The following USP49 variants were observed in gnomAD, a reference collection of about 807,000 sequenced individuals.
USP49 encodes the protein ubiquitin carboxyl-terminal hydrolase 49.
Under a neutral mutation model 58.6 loss-of-function variants are expected in USP49, and 24 were observed. The ratio of observed to expected loss-of-function variants is 0.41; its 90% CI spans 0.30 to 0.58. USP49 has a LOEUF of 0.58. Among genes scored for constraint, USP49 ranks in the 20% least tolerant of loss-of-function variants. The probability of loss-of-function intolerance (pLI) is 0.30; values close to 1 mark genes in which losing one functional copy is unlikely to be tolerated. For synonymous variants in USP49, 408 were observed against 365.1 expected (o/e 1.12, Z -1.34); for missense variants, 703 against 866.1 (o/e 0.81, Z 2.36).
chr6:41,878,888 C>T (rs1774554665), intron 2 of USP49, among the ~76,000 whole-genome samples: 1 of 152,112 alleles, frequency 6.6e-6, no homozygotes, highest in South Asian at 2.1e-4. Context: ...GGAAATGACC[C>T]AGGATCACAA....
rs573867657 is a variant in USP49, at chr6:41,795,509, C to T, written c.*1024G>A. ...GTGGACTCCTAAGCAGTTAACATAC[C>T]CTAGAGAACCAAAAGCTCCCAAACC... On this transcript the variant is annotated 3_prime_UTR_variant, in exon 8 of 8. Coordinates refer to ENST00000682992, the MANE Select transcript of USP49 (RefSeq NM_001286554.2). 2.0e-5 allele frequency: 3 copies of T among 152,086 alleles called. No individual in the cohort carries two copies. The highest frequency in any genetic ancestry group is 2.9e-5 in the Non-Finnish European group (2 of 68,030). The allele number at this position is 152,086 out of a possible 1,614,324, so 9.4% of individuals were successfully genotyped here. A position where few individuals can be genotyped will look rare whatever the true frequency, so the allele number is the denominator to read the frequency against.
At chr6:41,877,496 C>T (rs1237076603) in intron 2 of USP49, among the ~76,000 whole-genome samples, 2 of 151,936 alleles carry the variant, frequency 1.3e-5, no homozygotes, top group African/African-American at 4.8e-5. Flanking sequence ...GTTGACACAG[C>T]ATAGTACATG....
rs532731547 is a variant in USP49 at position 41,884,374 on chromosome 6, G to GT, written c.-103+7419dup. Among the ~76,000 whole-genome samples, 597 of 152,268 alleles carry GT rather than the reference G, an allele frequency of 3.9e-3. 4 individuals are homozygous for GT. Among genetic ancestry groups the GT allele is most frequent in the African/African-American group, 0.014 (578 of 41,552 alleles). ...CTCACTGAAAAAAGTAAAAACCAGAGTAAGATCTACAGCATTTCTACAAGG... is the reference window on the plus strand; with the variant it reads ...CTCACTGAAAAAAGTAAAAACCAGAGTTAAGATCTACAGCATTTCTACAAGG... On this transcript the variant is annotated intron_variant, in intron 2 of 7. Coordinates refer to ENST00000682992, the MANE Select transcript of USP49 (RefSeq NM_001286554.2).
intron 3 of USP49, among the ~76,000 whole-genome samples, chr6:41,827,938 A>G (rs909917743): frequency 1.3e-5 from 2 of 152,184 alleles, no homozygotes; most frequent in African/African-American, 4.8e-5. Flanking sequence ...TACATGGCTG[A>G]GCTGTGAGAT....
chr6:41,876,502 C>T (rs372040241), intron 2 of USP49, among the ~76,000 whole-genome samples: 11 of 152,162 alleles, frequency 7.2e-5, no homozygotes, highest in Middle Eastern at 3.4e-3. Context: ...CTGCAACCTG[C>T]GCCTCCTGGG....
intron 1 of USP49, among the ~76,000 whole-genome samples, chr6:41,893,583 C>T (rs1774844310): frequency 6.6e-6 from 1 of 152,094 alleles, no homozygotes; most frequent in Non-Finnish European, 1.5e-5. Context: ...ACGAGTACAC[C>T]CTAAATAAGC....
rs568819746 is a variant in USP49 at position 41,806,948 on chromosome 6, G to A, written c.36C>T (p.Leu12=). 4.4e-6 allele frequency: 7 copies of A among 1,608,024 alleles called. No homozygotes were observed. Among genetic ancestry groups the A allele is most frequent in the African/African-American group, 2.7e-5 (2 of 74,820 alleles). The change falls in exon 4 of 8, where the codon CTC becomes CTT. Residue 12 remains leucine, a synonymous_variant. Coordinates refer to ENST00000682992, the MANE Select transcript of USP49 (RefSeq NM_001286554.2). This position sits in a 1 kb window ranked among gnomAD's most constrained non-coding sequence, Gnocchi z 5.9. ...DRCKHVGRLR[L]AQDHSILNPQ... ...GGTTCAGGATGGAGTGGTCCTGGGC[G>A]AGCCGTAACCGCCCTACATGTTTGC...
chr6:41,856,251 T>C (rs995075192), intron 3 of USP49, among the ~76,000 whole-genome samples: 1 of 151,512 alleles, frequency 6.6e-6, no homozygotes, highest in African/African-American at 2.4e-5. Flanking sequence ...GGCGGGCGCC[T>C]GTAGTCCCAG....
intron 7 of USP49, among the ~76,000 whole-genome samples, chr6:41,797,373 G>A (rs1219781818): frequency 3.9e-5 from 6 of 152,238 alleles, no homozygotes; most frequent in East Asian, 1.9e-4. Flanking sequence ...AGGAGGAAGA[G>A]GAGGAGGAGA....
chr6:41,804,152 C>T (rs1773068336), intron 4 of USP49, 142 bp from the exon 5 acceptor site: 1 of 701,694 alleles, frequency 1.4e-6, no homozygotes, highest in Non-Finnish European at 2.3e-6. Flanking sequence ...ATAAACATAA[C>T]TTTAAAAGAA....
At chr6:41,801,616 C>T (rs1772998644) in intron 5 of USP49, among the ~76,000 whole-genome samples, 1 of 152,166 alleles carries the variant, frequency 6.6e-6, no homozygotes, top group Admixed American at 6.5e-5. Context: ...CCACCTTCAG[C>T]AGAGGGAGTA....
At chr6:41,889,917 G>C (rs1774781791) in intron 2 of USP49, among the ~76,000 whole-genome samples, 1 of 152,092 alleles carries the variant, frequency 6.6e-6, no homozygotes, top group South Asian at 2.1e-4. Context: ...AGAATTTCTT[G>C]TATCATTTTT....
chr6:41,867,142 C>G (rs1304767148), intron 3 of USP49, among the ~76,000 whole-genome samples: 3 of 152,138 alleles, frequency 2.0e-5, no homozygotes, highest in Non-Finnish European at 4.4e-5. Flanking sequence ...AAAAGCCAGA[C>G]CCCAAAACAA....
intron 2 of USP49, chr6:41,886,331 C>A (rs1474415297): frequency 2.0e-5 from 3 of 152,216 alleles, no homozygotes; most frequent in East Asian, 1.9e-4. Context: ...TGAATGCTTA[C>A]ATAAATGAGA....
At chr6:41,853,195 A>G (rs546758051) in intron 3 of USP49, among the ~76,000 whole-genome samples, 1 of 152,314 alleles carries the variant, frequency 6.6e-6, no homozygotes, top group South Asian at 2.1e-4. Context: ...TCAAAAAAAA[A>G]GAGCTGGGGG....
At chr6:41,848,539 A>AAT (rs1773963415) in intron 3 of USP49, among the ~76,000 whole-genome samples, 1 of 151,776 alleles carries the variant, frequency 6.6e-6, no homozygotes, top group East Asian at 1.9e-4. Context: ...GCTAATTAAA[A>AAT]ATATATATAT....
chr6:41,862,178 T>G (rs1219514475), intron 3 of USP49, among the ~76,000 whole-genome samples: 3 of 152,202 alleles, frequency 2.0e-5, no homozygotes, highest in African/African-American at 7.2e-5. Context: ...ATCTATGACA[T>G]AATTTACAGA....
rs927116075 is a variant in USP49, at chr6:41,798,590, C to T, written c.1876+134G>A. 14 of 1,574,588 alleles carry T rather than the reference C, an allele frequency of 8.9e-6. No individual in the cohort carries two copies. The South Asian group carries it at 1.7e-4, about 19-fold the overall frequency. On this transcript the variant is annotated intron_variant, in intron 7 of 7. Coordinates refer to ENST00000682992, the MANE Select transcript of USP49 (RefSeq NM_001286554.2). ...GGCGCCCAACCCAATTTTCACAATT[C>T]TTTCCACTGGATTTTTGATGTATGT...
Position 41,796,253 on chromosome 6 carries a change from C to T in USP49, c.*280G>A. Reference sequence around the variant, plus strand: ...ATGATTGATTTACCCCCCCGCCCCGCTTTCCTCCACCCAGATCCCTCTATA... The same window carrying T: ...ATGATTGATTTACCCCCCCGCCCCGTTTTCCTCCACCCAGATCCCTCTATA... On this transcript the variant is annotated 3_prime_UTR_variant, in exon 8 of 8. Transcript: ENST00000682992. 3.0e-6 allele frequency: 1 copy of T among 328,422 alleles called. No individual in the cohort carries two copies. The highest frequency in any genetic ancestry group is 5.7e-6 in the Non-Finnish European group (1 of 176,276). The allele number at this position is 328,422 out of a possible 1,614,324, so 20.3% of individuals were successfully genotyped here.
Sources: gnomAD v4.1 joint callset for allele counts (sites outside exome capture counted in the v4.1 genomes callset) on GRCh38, gnomAD v4.1.1 for gene constraint, Gnocchi (gnomAD v3.1) non-coding constraint, MANE v1.5 for transcripts, NCBI Gene and HGNC (gene_info 2026-07-23, HGNC 2026-07-21) for gene names.